PSD3: variants seen among roughly 807,000 people sequenced by gnomAD.
PSD3 encodes the protein pleckstrin and Sec7 domain containing 3.
In PSD3, 49 loss-of-function variants were observed where a neutral mutation model predicts 105.5. The observed-to-expected ratio is 0.46, with a 90% CI of 0.37 to 0.59. The LOEUF is 0.59. Among genes scored for constraint, PSD3 ranks in the 20% least tolerant of loss-of-function variants. The pLI, the probability that PSD3 is intolerant of heterozygous loss-of-function variation, is 0.00. For missense variants in PSD3, 1,561 were observed against 1,263.8 expected, an observed-to-expected ratio of 1.24 and a Z score of -3.57; for synonymous variants, 557 against 457.8, an observed-to-expected ratio of 1.22 and a Z score of -2.77.
intron 9 of PSD3, among the ~76,000 whole-genome samples, chr8:18,693,141 C>T (rs1801063135): frequency 6.6e-6 from 1 of 152,220 alleles, no homozygotes; most frequent in Admixed American, 6.5e-5. Context: ...ATTTCAAACA[C>T]ATTTCCCCCA....
At chr8:18,712,867 A>G (rs1585700810) in intron 9 of PSD3, among the ~76,000 whole-genome samples, 1 of 152,352 alleles carries the variant, frequency 6.6e-6, no homozygotes, top group East Asian at 1.9e-4. Flanking sequence ...CGTGGTGAAC[A>G]CCAGTGCAAA....
intron 2 of PSD3, among the ~76,000 whole-genome samples, chr8:18,896,278 TG>T (rs1456207081): frequency 1.3e-5 from 2 of 152,198 alleles, no homozygotes; most frequent in Non-Finnish European, 2.9e-5. Flanking sequence ...GCAATAAACA[TG>T]GGAGTGCAGA....
intron 2 of PSD3, among the ~76,000 whole-genome samples, chr8:18,931,170 A>G (rs1196414108): frequency 6.6e-6 from 1 of 152,044 alleles, no homozygotes. Flanking sequence ...GAGATGTAAG[A>G]GCTCTCTATG....
chr8:18,774,650 G>C (rs1281982834), intron 8 of PSD3: 2 of 371,018 alleles, frequency 5.4e-6, no homozygotes, highest in African/African-American at 4.3e-5. Context: ...AGTGGCACAT[G>C]ATACAAGTAT....
chr8:18,781,419 T>C (rs1021054144), intron 8 of PSD3, among the ~76,000 whole-genome samples: 2 of 152,196 alleles, frequency 1.3e-5, no homozygotes, highest in African/African-American at 4.8e-5. Flanking sequence ...ACAATCCCTA[T>C]TAAATGTTCC....
At position 18,541,370 on chromosome 8, in the gene PSD3, T is replaced by C. The variant is rs142629503; in HGVS notation, c.2929-5412A>G. ...GAAAATATATTTTGAACTCGTAATA[T>C]GGCAAATCCAGAAAAAGAAAAATAA... On this transcript the variant is annotated intron_variant, in intron 15 of 15. Coordinates refer to ENST00000327040, the MANE Select transcript of PSD3 (RefSeq NM_015310.4). Among the ~76,000 whole-genome samples, 641 of 152,236 alleles carry C rather than the reference T, an allele frequency of 4.2e-3. 3 individuals are homozygous for C. Among genetic ancestry groups the C allele is most frequent in the African/African-American group, 0.015 (613 of 41,522 alleles).
At chr8:18,678,618 C>T (rs945542709) in intron 9 of PSD3, among the ~76,000 whole-genome samples, 3 of 152,198 alleles carry the variant, frequency 2.0e-5, no homozygotes, top group African/African-American at 7.2e-5. Flanking sequence ...TCAAGACCAG[C>T]CCGACAAACA....
chr8:18,917,383 A>G (rs1309868512), intron 2 of PSD3, among the ~76,000 whole-genome samples: 1 of 152,200 alleles, frequency 6.6e-6, no homozygotes, highest in Non-Finnish European at 1.5e-5. Context: ...CTTACAGCTA[A>G]AAGTGATCAT....
chr8:18,968,879 CAAAAAAA>C (rs10597134), intron 1 of PSD3, among the ~76,000 whole-genome samples: 23 of 71,722 alleles, frequency 3.2e-4, no homozygotes, highest in African/African-American at 1.1e-3. Flanking sequence ...AAAATGTCTC[CAAAAAAA>C]AAAAAAAAAA....
chr8:18,660,023 G>A (rs1809227559), intron 9 of PSD3, among the ~76,000 whole-genome samples: 1 of 152,092 alleles, frequency 6.6e-6, no homozygotes, highest in African/African-American at 2.4e-5. Context: ...AACTCACTGT[G>A]GAAGGCTGAA....
chr8:18,738,982 G>C (rs1483537239), intron 9 of PSD3, among the ~76,000 whole-genome samples: 3 of 152,074 alleles, frequency 2.0e-5, no homozygotes, highest in African/African-American at 7.2e-5. Context: ...CTTTTAAGAA[G>C]AACCTTCGGC....
intron 9 of PSD3, among the ~76,000 whole-genome samples, chr8:18,735,235 C>G (rs571739431): frequency 2.6e-5 from 4 of 151,978 alleles, no homozygotes; most frequent in African/African-American, 7.3e-5. Context: ...GACTACTTAC[C>G]GCCAGGGCAG....
chr8:18,663,219 G>T (rs1228379718), intron 9 of PSD3, among the ~76,000 whole-genome samples: 1 of 152,090 alleles, frequency 6.6e-6, no homozygotes, highest in Non-Finnish European at 1.5e-5. Context: ...TTGAGCCCAG[G>T]AGTTCGAAAC....
chr8:19,080,164 C>T (rs1309051299), intron 1 of PSD3, among the ~76,000 whole-genome samples: 2 of 152,212 alleles, frequency 1.3e-5, no homozygotes, highest in African/African-American at 4.8e-5. Flanking sequence ...GCTGGGATTA[C>T]AGGCGTAAGC....
intron 4 of PSD3, among the ~76,000 whole-genome samples, chr8:18,827,415 G>T (rs370551882): frequency 6.6e-6 from 1 of 152,184 alleles, no homozygotes; most frequent in Non-Finnish European, 1.5e-5. Context: ...AGACTACAGG[G>T]TGCGAAGATG....
chr8:18,562,918 AG>A (rs1801488674), intron 14 of PSD3, among the ~76,000 whole-genome samples: 2 of 19,260 alleles, frequency 1.0e-4, no homozygotes, highest in Non-Finnish European at 1.9e-4. Context: ...AAAAAGAAAA[AG>A]AAAAAGAAAA....
intron 15 of PSD3, among the ~76,000 whole-genome samples, chr8:18,548,966 G>A (rs1291492322): frequency 6.6e-6 from 1 of 152,036 alleles, no homozygotes; most frequent in East Asian, 1.9e-4. Flanking sequence ...ATTCTGAGTG[G>A]GATGTCAAAC....
intron 12 of PSD3, 36 bp downstream of exon 12, chr8:18,600,328 C>T (rs757673871): frequency 1.8e-5 from 28 of 1,539,920 alleles, no homozygotes; most frequent in Admixed American, 3.4e-5. Flanking sequence ...ATTATTTCAT[C>T]GAGTTTTGTG....
At chr8:19,027,493 A>G (rs1367126850) in intron 1 of PSD3, among the ~76,000 whole-genome samples, 2 of 152,188 alleles carry the variant, frequency 1.3e-5, no homozygotes, top group Non-Finnish European at 2.9e-5. Context: ...GTACAATTCA[A>G]TGAGAGTTGA....
Sources: gnomAD v4.1 joint callset for allele counts (sites outside exome capture counted in the v4.1 genomes callset) on GRCh38, gnomAD v4.1.1 for gene constraint, MANE v1.5 for transcripts, NCBI Gene and HGNC (gene_info 2026-07-23, HGNC 2026-07-21) for gene names.